ARHGEF40: variants seen among roughly 807,000 people sequenced by gnomAD.
ARHGEF40 encodes Rho guanine nucleotide exchange factor (GEF) 40.
Under a neutral mutation model 165.9 loss-of-function variants are expected in ARHGEF40, and 98 were observed. The ratio of observed to expected loss-of-function variants is 0.59; its 90% CI spans 0.50 to 0.70. The LOEUF (loss-of-function observed/expected upper bound fraction) is 0.70, where lower values mean the gene tolerates loss of function less well. Among genes scored for constraint, ARHGEF40 ranks in the 30% least tolerant of loss-of-function variants. ARHGEF40 has a pLI of 0.00. For missense variants in ARHGEF40, 1,815 were observed against 1,968.0 expected, an observed-to-expected ratio of 0.92 and a Z score of 1.47; for synonymous variants, 792 against 814.3, an observed-to-expected ratio of 0.97 and a Z score of 0.47.
the ARHGEF40 span, among the ~76,000 whole-genome samples, chr14:21,064,299 C>CT: frequency 2.2e-3 from 325 of 146,254 alleles, 2 homozygotes; most frequent in African/African-American, 6.0e-3. Context: ...CACTTGATGC[C>CT]TTTTTTTTTT....
At chr14:21,076,037 A>G (rs1470718812) in intron 5 of ARHGEF40, among the ~76,000 whole-genome samples, 1 of 152,210 alleles carries the variant, frequency 6.6e-6, no homozygotes, top group East Asian at 1.9e-4. Flanking sequence ...ACAAACATTT[A>G]TTGAGCACTG....
upstream of ARHGEF40, among the ~76,000 whole-genome samples, chr14:21,067,751 TGTACACAC>T (rs1886345062): frequency 1.0e-5 from 1 of 98,460 alleles, no homozygotes; most frequent in Non-Finnish European, 2.1e-5. Flanking sequence ...TACTCTGTTG[TGTACACAC>T]GTACACACAC....
In ARHGEF40 at chr14:21,089,018, G is replaced by T; in HGVS notation, c.*10G>T. 1 of 829,144 alleles carries T rather than the reference G, an allele frequency of 1.2e-6. No individual in the cohort carries two copies. The highest frequency in any genetic ancestry group is 1.7e-5 in the African/African-American group (1 of 57,848). The allele number at this position is 829,144 out of a possible 1,614,324, so 51.4% of individuals were successfully genotyped here. A position where few individuals can be genotyped will look rare whatever the true frequency, so the allele number is the denominator to read the frequency against. The stretch of plus-strand genomic sequence containing the variant: ...CTCTTCTCTCCTGGCTTCTAGAGAA[G>T]ATCCAGAACTTGCGTGCAGCTTCTC... On this transcript the variant is annotated 3_prime_UTR_variant, in exon 24 of 24. Coordinates refer to ENST00000298694, the MANE Select transcript of ARHGEF40 (RefSeq NM_018071.5).
At chr14:21,061,312 A>G in the ARHGEF40 span, among the ~76,000 whole-genome samples, 1 of 152,208 alleles carries the variant, frequency 6.6e-6, no homozygotes, top group Non-Finnish European at 1.5e-5. Flanking sequence ...AAGAGTGTGA[A>G]AAGCATTCAG....
At chr14:21,082,153 G>A in intron 14 of ARHGEF40, 34 bp downstream of exon 14, 2 of 1,562,294 alleles carry the variant, frequency 1.3e-6, no homozygotes, top group Non-Finnish European at 1.7e-6. Context: ...CTAAGAGGCG[G>A]AGCCAACTGC....
intron 22 of ARHGEF40, 109 bp from the exon 23 acceptor site, chr14:21,088,721 T>G (rs879282812): frequency 3.2e-5 from 37 of 1,170,588 alleles, no homozygotes; most frequent in Non-Finnish European, 4.0e-5. Flanking sequence ...TCAAGGATTT[T>G]GGGTAGGAAA....
chr14:21,070,715 C>T lies in ARHGEF40; in HGVS notation c.3+316C>T. The T allele has an allele frequency of 7.9e-7, 1 of 1,264,682 alleles. No individual in the cohort carries two copies. The highest frequency in any genetic ancestry group is 1.1e-6 in the Non-Finnish European group (1 of 908,656). The allele number at this position is 1,264,682 out of a possible 1,614,324, so 78.3% of individuals were successfully genotyped here. A position where few individuals can be genotyped will look rare whatever the true frequency, so the allele number is the denominator to read the frequency against. On this transcript the variant is annotated intron_variant, in intron 1 of 23. Transcript: ENST00000298694. This position sits in a 1 kb window ranked among gnomAD's most constrained non-coding sequence, Gnocchi z 4.7. ...CTGTCCTGACCTGTGCCTTCCTTTC[C>T]TGGAGCTTCCCTCCCCCTCCTGGTC...
At chr14:21,066,032 C>G (rs956306766), upstream of ARHGEF40, among the ~76,000 whole-genome samples, 2 of 152,032 alleles carry the variant, frequency 1.3e-5, no homozygotes, top group African/African-American at 4.8e-5. Context: ...CTGGGAGGTA[C>G]AGGTTGCAGT....
Position 21,073,019 on chromosome 14 carries a change from T to C in ARHGEF40, c.4-26T>C. 1 of 1,606,518 alleles carries C rather than the reference T, an allele frequency of 6.2e-7. No individual in the cohort carries two copies. The highest frequency in any genetic ancestry group is 8.5e-7 in the Non-Finnish European group (1 of 1,174,116). On this transcript the variant is annotated intron_variant, in intron 1 of 23. Transcript: ENST00000298694. The surrounding 1 kb of genome is among the most constrained non-coding windows in gnomAD (Gnocchi z 4.6). The stretch of plus-strand genomic sequence containing the variant: ...GCCATGATTGGGTGATCTCTAGGGA[T>C]CTGTAGCCTGGTCCTATCTCTACAG...
intron 11 of ARHGEF40, among the ~76,000 whole-genome samples, chr14:21,079,665 T>C (rs568618962): frequency 6.6e-6 from 1 of 152,304 alleles, no homozygotes; most frequent in South Asian, 2.1e-4. Context: ...GGACACTTCA[T>C]GGACCTGTAC....
chr14:21,075,218 C>T lies in ARHGEF40; in HGVS notation c.1450+38C>T, dbSNP rs984694601. 6.3e-7 allele frequency: 1 copy of T among 1,583,308 alleles called. No individual in the cohort carries two copies. Among genetic ancestry groups the T allele is most frequent in the Admixed American group, 1.7e-5 (1 of 57,638 alleles). On this transcript the variant is annotated intron_variant, in intron 3 of 23. Transcript: ENST00000298694. The surrounding 1 kb of genome is among the most constrained non-coding windows in gnomAD (Gnocchi z 4.5). ...GGAGTGAGGCTCATGGGGCAAGGGC[C>T]AAAGCAGGTCGGGCCTATGGGAGGG...
Position 21,082,122 on chromosome 14 carries a change from G to A in ARHGEF40, c.3251+3G>A. 6.4e-7 allele frequency: 1 copy of A among 1,563,424 alleles called. No homozygotes were observed. The highest frequency in any genetic ancestry group is 1.4e-5 in the African/African-American group (1 of 73,600). ...ATGGAGCGCAAGCGAAGCATCAGGTGAGATCCCAGCCCAACTGGTGCTAAG... is the reference window on the plus strand; with the variant it reads ...ATGGAGCGCAAGCGAAGCATCAGGTAAGATCCCAGCCCAACTGGTGCTAAG... On this transcript the variant is annotated splice_donor_region_variant and intron_variant, in intron 14 of 23. Coordinates refer to ENST00000298694, the MANE Select transcript of ARHGEF40 (RefSeq NM_018071.5).
rs1887344810 is a variant in ARHGEF40, at chr14:21,075,578, CAG to C, written c.1619-66_1619-65del. The C allele has an allele frequency of 6.2e-7, 1 of 1,613,584 alleles. No individual in the cohort carries two copies. Among genetic ancestry groups the C allele is most frequent in the Non-Finnish European group, 8.5e-7 (1 of 1,179,994 alleles). On this transcript the variant is annotated intron_variant, in intron 4 of 23. Transcript: ENST00000298694. This position sits in a 1 kb window ranked among gnomAD's most constrained non-coding sequence, Gnocchi z 4.5. Reference sequence around the variant, plus strand: ...GGGTGGGCTTGGGGACTGGGGGAGGCAGGGTGGAAAGGAGGTAGGCATGGACT... The same window carrying C: ...GGGTGGGCTTGGGGACTGGGGGAGGCGGTGGAAAGGAGGTAGGCATGGACT...
Position 21,080,770 on chromosome 14 carries a change from C to T in ARHGEF40, c.2484C>T (p.Ser828=), listed in dbSNP as rs201848814. The T allele has an allele frequency of 1.9e-5, 30 of 1,606,752 alleles. No homozygotes were observed. The highest frequency in any genetic ancestry group is 1.5e-4 in the African/African-American group (11 of 74,974). ...CAGAGCTGCGATTCCGTGCTTTCAG[C>T]GCTGAGGTCCAGGTGAGAAGGGGCT... is the stretch of plus-strand genomic sequence containing the variant. ...QETELRFRAF[S]AEVQERLAQA... The change falls in exon 12 of 24, where the codon AGC becomes AGT. Residue 828 remains serine (S), a synonymous_variant. Transcript: ENST00000298694.
Position 21,078,382 on chromosome 14 carries a change from G to A in ARHGEF40, c.2140G>A (p.Gly714Arg), listed in dbSNP as rs1298330809. 3 of 1,605,754 alleles carry A rather than the reference G, an allele frequency of 1.9e-6. No homozygotes were observed. The highest frequency in any genetic ancestry group is 2.2e-5 in the South Asian group (2 of 89,802). ...AAEPEEEEAVGMPKPLQKVLA... is the reference protein window; with the variant it reads ...AAEPEEEEAVRMPKPLQKVLA... Reference sequence around the variant, plus strand: ...TCCTCCCTATCCCCAGGAGGCAGTGGGAATGCCCAAGCCACTGCAGAAGGT... The same window carrying A: ...TCCTCCCTATCCCCAGGAGGCAGTGAGAATGCCCAAGCCACTGCAGAAGGT... The change falls in exon 10 of 24, where the codon GGA becomes AGA. Residue 714 changes from glycine to arginine, a missense_variant. By Grantham distance (125) the Gly-to-Arg change is moderately radical (BLOSUM62 -2). Coordinates refer to ENST00000298694, the MANE Select transcript of ARHGEF40 (RefSeq NM_018071.5).
rs1352758393 is a variant in ARHGEF40 at position 21,074,754 on chromosome 14, G to A, written c.1024G>A (p.Gly342Arg). The A allele has an allele frequency of 6.2e-7, 1 of 1,609,724 alleles. No homozygotes were observed. Among genetic ancestry groups the A allele is most frequent in the African/African-American group, 1.3e-5 (1 of 74,986 alleles). The change falls in exon 3 of 24, where the codon GGA becomes AGA. Residue 342 changes from glycine to arginine, a missense_variant. Gly to Arg is a moderately radical substitution (Grantham distance 125). Coordinates refer to ENST00000298694, the MANE Select transcript of ARHGEF40 (RefSeq NM_018071.5). The surrounding 1 kb of genome is among the most constrained non-coding windows in gnomAD (Gnocchi z 4.8). ...GTCTGAGCCCCCAGCAGAGGCTGTG[G>A]GAGAAGCCTCCGGATCTTGCCCCCT... ...EVSEPPAEAV[G>R]EASGSCPLRP...
Position 21,087,992 on chromosome 14 carries a change from G to C in ARHGEF40, c.4412G>C (p.Gly1471Ala), listed in dbSNP as rs1461057313. 3.7e-6 allele frequency: 6 copies of C among 1,613,922 alleles called. No individual in the cohort carries two copies. Among genetic ancestry groups the C allele is most frequent in the Non-Finnish European group, 5.1e-6 (6 of 1,180,028 alleles). Residue 1471 changes from glycine (G) to alanine (A), a missense_variant, in exon 22 of 24, where the codon GGA becomes GCA. Coordinates refer to ENST00000298694, the MANE Select transcript of ARHGEF40 (RefSeq NM_018071.5). ...GCCCCAGAAACACTTGACTCTTCTG[G>C]AGATGTGTCCCCAGGACCAAGAAAC... ...SLAPETLDSS[G>A]DVSPGPRNSP...
Position 21,070,913 on chromosome 14 carries a change from G to A in ARHGEF40, c.3+514G>A, listed in dbSNP as rs1243296298. ...CGGCCCTAGGGGACTGGCCACAGCT[G>A]TGGCTGGGCCGGGTCCCGGGGCATG... On this transcript the variant is annotated intron_variant, in intron 1 of 23. Transcript: ENST00000298694. This position sits in a 1 kb window ranked among gnomAD's most constrained non-coding sequence, Gnocchi z 4.7. The A allele has an allele frequency of 6.6e-7, 1 of 1,509,220 alleles. No individual in the cohort carries two copies. Among genetic ancestry groups the A allele is most frequent in the Non-Finnish European group, 8.9e-7 (1 of 1,123,432 alleles). 93.5% of individuals were successfully genotyped at this position (1,509,220 alleles called of 1,614,324 possible).
In ARHGEF40 at chr14:21,080,916, A is replaced by T; in HGVS notation, c.2540A>T (p.Asn847Ile). ...CGGGAGGCCCTGGCTCTGGAGGAGA[A>T]TGCCACCTCCCAGAAGGTGCTGGAT... is the stretch of plus-strand genomic sequence containing the variant. ...QAREALALEE[N>I]ATSQKVLDIF... The change falls in exon 13 of 24, where the codon AAT becomes ATT. Residue 847 changes from asparagine (N) to isoleucine (I), a missense_variant. Asn to Ile is a moderately radical substitution (Grantham distance 149). Transcript: ENST00000298694. 6.2e-7 allele frequency: 1 copy of T among 1,614,154 alleles called. No homozygotes were observed. Among genetic ancestry groups the T allele is most frequent in the Non-Finnish European group, 8.5e-7 (1 of 1,180,012 alleles).
Sources: gnomAD v4.1 joint callset for allele counts (sites outside exome capture counted in the v4.1 genomes callset) on GRCh38, gnomAD v4.1.1 for gene constraint, Gnocchi (gnomAD v3.1) non-coding constraint, MANE v1.5 for transcripts, NCBI Gene and HGNC (gene_info 2026-07-23, HGNC 2026-07-21) for gene names.